Variants in FHIT observed in about 807,000 individuals in gnomAD.
FHIT encodes fragile histidine triad diadenosine triphosphatase.
Under a neutral mutation model 17.9 loss-of-function variants are expected in FHIT, and 19 were observed. That is an observed-to-expected ratio of 1.06 (90% confidence interval 0.74 to 1.56). FHIT has a LOEUF of 1.56. Among genes scored for constraint, FHIT ranks in the 40% most tolerant of loss-of-function variants. FHIT has a pLI of 0.00. For missense variants in FHIT, 248 were observed against 189.2 expected (o/e 1.31, Z -1.82); for synonymous variants, 81 against 69.7 (o/e 1.16, Z -0.81).
At chr3:60,397,580 G>C (rs917298689) in intron 5 of FHIT, among the ~76,000 whole-genome samples, 1 of 152,188 alleles carries the variant, frequency 6.6e-6, no homozygotes, top group African/African-American at 2.4e-5. Context: ...TCTTCAGCCA[G>C]TTATGCTCCC....
chr3:60,615,074 T>C (rs7640222), intron 4 of FHIT, among the ~76,000 whole-genome samples: 57,619 of 151,640 alleles, frequency 0.38, 11,363 homozygotes, highest in Non-Finnish European at 0.42. Context: ...GTGATCTGCC[T>C]GCCTTGGCCT....
intron 3 of FHIT, among the ~76,000 whole-genome samples, chr3:61,040,091 C>T (rs1458463039): frequency 6.6e-6 from 1 of 152,186 alleles, no homozygotes; most frequent in Non-Finnish European, 1.5e-5. Context: ...TTGCAAACCT[C>T]AAAGGGGTTT....
At chr3:59,862,099 C>T (rs924567062) in intron 8 of FHIT, among the ~76,000 whole-genome samples, 5 of 152,002 alleles carry the variant, frequency 3.3e-5, no homozygotes, top group Non-Finnish European at 5.9e-5. Context: ...TTTTACACTG[C>T]TATGAAGAAA....
At chr3:59,997,543 T>C (rs1699563933) in intron 7 of FHIT, among the ~76,000 whole-genome samples, 1 of 152,166 alleles carries the variant, frequency 6.6e-6, no homozygotes, top group African/African-American at 2.4e-5. Flanking sequence ...GCTAAAACTA[T>C]AAAACCAAAA....
intron 5 of FHIT, among the ~76,000 whole-genome samples, chr3:60,156,111 T>C (rs1700677459): frequency 6.6e-6 from 1 of 152,100 alleles, no homozygotes; most frequent in Non-Finnish European, 1.5e-5. Flanking sequence ...CCCAGCACTT[T>C]GGGAGGCCCA....
chr3:60,979,554 G>C (rs1043293275), intron 3 of FHIT, among the ~76,000 whole-genome samples: 2 of 152,132 alleles, frequency 1.3e-5, no homozygotes, highest in Non-Finnish European at 2.9e-5. Flanking sequence ...AGTTCTCCAG[G>C]GCAGACAGGG....
intron 4 of FHIT, among the ~76,000 whole-genome samples, chr3:60,625,582 C>A (rs1343369728): frequency 6.6e-6 from 1 of 151,942 alleles, no homozygotes; most frequent in Non-Finnish European, 1.5e-5. Flanking sequence ...TCTATTCAGA[C>A]CTTTTATCCA....
chr3:60,922,439 T>C (rs1320104873), intron 3 of FHIT, among the ~76,000 whole-genome samples: 3 of 152,222 alleles, frequency 2.0e-5, no homozygotes, highest in African/African-American at 7.2e-5. Context: ...TTCACATTTG[T>C]GCCCCTTGGG....
intron 2 of FHIT, among the ~76,000 whole-genome samples, chr3:61,053,907 C>T (rs2034119995): frequency 6.6e-6 from 1 of 152,114 alleles, no homozygotes; most frequent in African/African-American, 2.4e-5. Flanking sequence ...AATCAATAAG[C>T]AGAGGTGACT....
chr3:60,288,608 G>A (rs1302207209), intron 5 of FHIT, among the ~76,000 whole-genome samples: 1 of 145,512 alleles, frequency 6.9e-6, no homozygotes, highest in East Asian at 2.0e-4. Flanking sequence ...TGTGTGTGGA[G>A]GGGGGTGTGG....
chr3:61,205,762 G>A (rs1007281526), intron 1 of FHIT, among the ~76,000 whole-genome samples: 2 of 152,022 alleles, frequency 1.3e-5, no homozygotes, highest in African/African-American at 4.8e-5. Flanking sequence ...CTCCCATTCT[G>A]TAGGTTGCCT....
At chr3:61,127,818 C>T (rs1459892678) in intron 2 of FHIT, among the ~76,000 whole-genome samples, 3 of 151,910 alleles carry the variant, frequency 2.0e-5, no homozygotes, top group Non-Finnish European at 4.4e-5. Flanking sequence ...TGCAGTGAGT[C>T]GAGATCATGC....
intron 5 of FHIT, among the ~76,000 whole-genome samples, chr3:60,518,751 G>A (rs2035250580): frequency 6.6e-6 from 1 of 152,204 alleles, no homozygotes; most frequent in Admixed American, 6.5e-5. Context: ...GCTCATGCCT[G>A]TAATCCAAGC....
intron 5 of FHIT, among the ~76,000 whole-genome samples, chr3:60,507,116 A>C (rs566945072): frequency 6.6e-6 from 1 of 152,208 alleles, no homozygotes; most frequent in Admixed American, 6.5e-5. Flanking sequence ...TGGTTCCATT[A>C]GAACATATAA....
chr3:59,942,877 G>T (rs538156408), intron 7 of FHIT, among the ~76,000 whole-genome samples: 2 of 151,898 alleles, frequency 1.3e-5, no homozygotes, highest in South Asian at 4.2e-4. Flanking sequence ...TCAAACTCCT[G>T]GGCTCAAGCA....
chr3:60,381,701 T>C (rs1376547410), intron 5 of FHIT, among the ~76,000 whole-genome samples: 1 of 152,216 alleles, frequency 6.6e-6, no homozygotes, highest in East Asian at 1.9e-4. Context: ...CTACTTTAAC[T>C]TTCTAGTATC....
intron 9 of FHIT, 139 bp from the exon 10 acceptor site, chr3:59,749,718 C>G (rs557183385): frequency 1.8e-4 from 42 of 229,928 alleles, no homozygotes; most frequent in African/African-American, 9.3e-4. Context: ...AAAGTGCAGC[C>G]TGATTAATGC....
chr3:60,065,553 G>A (rs1283140470), intron 5 of FHIT, among the ~76,000 whole-genome samples: 1 of 152,084 alleles, frequency 6.6e-6, no homozygotes, highest in African/African-American at 2.4e-5. Flanking sequence ...GCTATAACAG[G>A]AAAACTTCTG....
chr3:60,818,516 T>A (rs778738504), intron 4 of FHIT, among the ~76,000 whole-genome samples: 8 of 152,186 alleles, frequency 5.3e-5, no homozygotes, highest in Non-Finnish European at 1.0e-4. Context: ...ACACATGACA[T>A]ATACCTCAGA....
Sources: gnomAD v4.1 joint callset for allele counts (sites outside exome capture counted in the v4.1 genomes callset) on GRCh38, gnomAD v4.1.1 for gene constraint, MANE v1.5 for transcripts, NCBI Gene and HGNC (gene_info 2026-07-23, HGNC 2026-07-21) for gene names.